Variants in CNTLN observed in about 807,000 individuals in gnomAD.
CNTLN encodes the protein centlein, also known as centlein, centrosomal protein.
Under a neutral mutation model 180.0 loss-of-function variants are expected in CNTLN, and 212 were observed. The ratio of observed to expected loss-of-function variants is 1.18; its 90% CI spans 1.05 to 1.32. The LOEUF (loss-of-function observed/expected upper bound fraction) is 1.32. Among genes scored for constraint, CNTLN ranks in the 40% most tolerant of loss-of-function variants. The pLI is 0.00. For synonymous variants in CNTLN, 722 were observed against 563.1 expected (o/e 1.28, Z -3.99); for missense variants, 2,095 against 1,610.9 (o/e 1.30, Z -5.14).
At chr9:17,410,833 G>A (rs2593389) in intron 16 of CNTLN, among the ~76,000 whole-genome samples, 125,293 of 152,048 alleles carry the variant, frequency 0.82, 51,963 homozygotes, top group Non-Finnish European at 0.87. Context: ...TCCAATGTAC[G>A]TAAACATAGG....
chr9:17,436,809 G>C (rs1829804852), intron 18 of CNTLN, among the ~76,000 whole-genome samples: 2 of 152,046 alleles, frequency 1.3e-5, no homozygotes, highest in Admixed American at 6.5e-5. Context: ...TTCCGTTTTT[G>C]TGATCTGTGT....
rs10962905 is a variant in CNTLN, at chr9:17,211,289, G to T, written c.450-14914G>T. Among the ~76,000 whole-genome samples, 56 of 151,974 alleles carry T rather than the reference G, an allele frequency of 3.7e-4. No individual in the cohort carries two copies. The South Asian group carries it at 0.011, about 30-fold the overall frequency. On this transcript the variant is annotated intron_variant, in intron 2 of 25. Transcript: ENST00000380647. ...TTCTCCATATGGCTAGCCAGTTTTC[G>T]CAGCACCATTTATTAAATAGGGAAT...
chr9:17,418,945 G>T (rs575554549), intron 18 of CNTLN, among the ~76,000 whole-genome samples: 1 of 152,066 alleles, frequency 6.6e-6, no homozygotes, highest in East Asian at 1.9e-4. Context: ...TTCCCTGTCA[G>T]TTTCATTGCA....
chr9:17,419,210 A>G (rs763722516), intron 18 of CNTLN, among the ~76,000 whole-genome samples: 2 of 152,140 alleles, frequency 1.3e-5, no homozygotes, highest in Non-Finnish European at 2.9e-5. Context: ...ATGGTATACT[A>G]GGTAAATGGC....
At chr9:17,171,402 A>C (rs1485803057) in intron 2 of CNTLN, among the ~76,000 whole-genome samples, 2 of 152,190 alleles carry the variant, frequency 1.3e-5, no homozygotes, top group African/African-American at 4.8e-5. Context: ...ACAGTGGTAT[A>C]GTCTCCATGC....
At chr9:17,150,941 G>C (rs1563824431) in intron 2 of CNTLN, among the ~76,000 whole-genome samples, 4 of 151,446 alleles carry the variant, frequency 2.6e-5, no homozygotes, top group Admixed American at 1.3e-4. Context: ...TCATGGTTTG[G>C]CTGTTTGTCT....
At chr9:17,257,562 A>G (rs1347192174) in intron 5 of CNTLN, among the ~76,000 whole-genome samples, 1 of 151,464 alleles carries the variant, frequency 6.6e-6, no homozygotes, top group South Asian at 2.1e-4. Flanking sequence ...ACTGACTTCC[A>G]CAATGGTTGA....
At chr9:17,244,946 C>T (rs1262323723) in intron 5 of CNTLN, among the ~76,000 whole-genome samples, 2 of 152,126 alleles carry the variant, frequency 1.3e-5, no homozygotes, top group African/African-American at 4.8e-5. Flanking sequence ...AAACTCTAAT[C>T]TTCATCCTGT....
Position 17,479,280 on chromosome 9 carries a change from G to A in CNTLN, c.3856-5015G>A, listed in dbSNP as rs7045102. 4.2e-3 allele frequency among the ~76,000 whole-genome samples: 647 copies of A among 152,296 alleles called. 3 individuals are homozygous for A. Among genetic ancestry groups the A allele is most frequent in the African/African-American group, 0.015 (633 of 41,566 alleles). On this transcript the variant is annotated intron_variant, in intron 23 of 25. Coordinates refer to ENST00000380647, the MANE Select transcript of CNTLN (RefSeq NM_017738.4). ...CAGGACTAGTCACAACAGCCAAGATGTAGAAACAATCTAAATGTCCATCAA... is the reference window on the plus strand; with the variant it reads ...CAGGACTAGTCACAACAGCCAAGATATAGAAACAATCTAAATGTCCATCAA...
At chr9:17,238,765 G>A (rs1316513231) in intron 5 of CNTLN, among the ~76,000 whole-genome samples, 2 of 151,916 alleles carry the variant, frequency 1.3e-5, no homozygotes, top group Non-Finnish European at 2.9e-5. Flanking sequence ...CTTTGCCATG[G>A]GTAAGGAAAA....
intron 18 of CNTLN, among the ~76,000 whole-genome samples, chr9:17,450,460 A>T (rs1564117178): frequency 6.6e-6 from 1 of 152,220 alleles, no homozygotes; most frequent in East Asian, 1.9e-4. Flanking sequence ...TGAAACATGA[A>T]ATGTTAATTT....
chr9:17,159,686 GA>G (rs1349819524), intron 2 of CNTLN, among the ~76,000 whole-genome samples: 1 of 152,198 alleles, frequency 6.6e-6, no homozygotes, highest in East Asian at 1.9e-4. Context: ...ACAGGAGGAA[GA>G]GGGAGCCCTG....
chr9:17,415,594 C>G (rs1640392497), intron 16 of CNTLN, among the ~76,000 whole-genome samples, 194 bp from the exon 17 acceptor site: 1 of 151,974 alleles, frequency 6.6e-6, no homozygotes. Flanking sequence ...TTGTAAGAGG[C>G]AGTCTTGCTC....
chr9:17,204,415 T>C (rs927502982), intron 2 of CNTLN, among the ~76,000 whole-genome samples: 9 of 152,164 alleles, frequency 5.9e-5, no homozygotes, highest in Admixed American at 3.9e-4. Context: ...GCTTTCTGTT[T>C]GTTAGTTTTT....
At chr9:17,288,840 T>G (rs1429495070) in intron 6 of CNTLN, among the ~76,000 whole-genome samples, 3 of 128,092 alleles carry the variant, frequency 2.3e-5, no homozygotes, top group Non-Finnish European at 4.8e-5. Context: ...CCCCTGCCTT[T>G]TTTTGTTTTC....
At chr9:17,211,213 C>A (rs1308459535) in intron 2 of CNTLN, among the ~76,000 whole-genome samples, 4 of 152,074 alleles carry the variant, frequency 2.6e-5, no homozygotes, top group Admixed American at 1.3e-4. Context: ...TCTTTAATCC[C>A]TCTTGAATTA....
intron 5 of CNTLN, among the ~76,000 whole-genome samples, chr9:17,248,291 A>G (rs557266298): frequency 6.6e-6 from 1 of 152,096 alleles, no homozygotes; most frequent in South Asian, 2.1e-4. Context: ...TCTAGTTGTT[A>G]TAACAGTTTT....
intron 7 of CNTLN, among the ~76,000 whole-genome samples, chr9:17,307,972 C>CCACACA (rs3837233): frequency 0.029 from 3,987 of 137,854 alleles, 67 homozygotes; most frequent in East Asian, 0.047. Context: ...GCCTTTAAAA[C>CCACACA]CACACACACA....
intron 5 of CNTLN, among the ~76,000 whole-genome samples, chr9:17,254,978 G>A (rs1179850176): frequency 6.6e-6 from 1 of 151,564 alleles, no homozygotes; most frequent in African/African-American, 2.4e-5. Flanking sequence ...TGTTCATAGT[G>A]TTCAGTGTAC....
Sources: gnomAD v4.1 joint callset for allele counts (sites outside exome capture counted in the v4.1 genomes callset) on GRCh38, gnomAD v4.1.1 for gene constraint, MANE v1.5 for transcripts, NCBI Gene and HGNC (gene_info 2026-07-23, HGNC 2026-07-21) for gene names.